The following CCSER1 variants were observed in gnomAD, a reference collection of about 807,000 sequenced individuals.
CCSER1 encodes serine-rich coiled-coil domain-containing protein 1.
In CCSER1, 41 loss-of-function variants were observed where a neutral mutation model predicts 82.0. The ratio of observed to expected loss-of-function variants is 0.50; its 90% CI spans 0.39 to 0.65. CCSER1 has a LOEUF of 0.65. CCSER1 is among the 30% of genes least tolerant of loss of function. The pLI, the probability that CCSER1 is intolerant of heterozygous loss-of-function variation, is 0.00. For synonymous variants in CCSER1, 414 were observed against 383.9 expected, an observed-to-expected ratio of 1.08 and a Z score of -0.92; for missense variants, 1,119 against 1,064.2, an observed-to-expected ratio of 1.05 and a Z score of -0.72.
intron 7 of CCSER1, among the ~76,000 whole-genome samples, chr4:90,793,094 T>G (rs914153998): frequency 6.6e-6 from 1 of 152,218 alleles, no homozygotes; most frequent in African/African-American, 2.4e-5. Context: ...TGGAGATGTG[T>G]TTGATGTCTT....
chr4:91,168,738 T>C (rs1368817043), intron 10 of CCSER1, among the ~76,000 whole-genome samples: 1 of 150,642 alleles, frequency 6.6e-6, no homozygotes. Context: ...ATGATGACGA[T>C]GGTGGTTTTG....
At chr4:91,015,795 T>A (rs1041846549) in intron 9 of CCSER1, among the ~76,000 whole-genome samples, 1 of 152,038 alleles carries the variant, frequency 6.6e-6, no homozygotes, top group Non-Finnish European at 1.5e-5. Flanking sequence ...AACATTCAAC[T>A]TCAGTGCCTG....
intron 1 of CCSER1, among the ~76,000 whole-genome samples, chr4:90,204,110 G>T (rs184464958): frequency 6.3e-4 from 96 of 152,286 alleles, no homozygotes; most frequent in Admixed American, 5.0e-3. Flanking sequence ...CAGATGGATA[G>T]ATTGCAAAAA....
rs1438619383 is a variant in CCSER1, at chr4:91,027,880, T to C, written c.2173-58070T>C. Among the ~76,000 whole-genome samples the C allele has an allele frequency of 2.0e-5, 3 of 152,210 alleles. No homozygotes were observed. In the East Asian group the frequency reaches 5.8e-4, roughly 29 times the overall value. ...TGTGCAGAGGGAGAAACAACTATAT[T>C]GTCAGAAATAGCTTGAATACATTCT... On this transcript the variant is annotated intron_variant, in intron 9 of 10. Coordinates refer to ENST00000509176, the MANE Select transcript of CCSER1 (RefSeq NM_001145065.2).
rs529787469 is a variant in CCSER1 at position 90,277,537 on chromosome 4, A to G, written c.-41-30707A>G. ...GAAATAAAGCCAAATATCTACAACC[A>G]TCTGATCTTAAACAAACTCAACAAA... On this transcript the variant is annotated intron_variant, in intron 1 of 10. Transcript: ENST00000509176. Among the ~76,000 whole-genome samples the G allele has an allele frequency of 1.1e-3, 169 of 152,292 alleles. 1 individual carries two copies. Among genetic ancestry groups the G allele is most frequent in the Admixed American group, 0.011 (168 of 15,286 alleles).
chr4:91,575,409 A>G (rs1232526811), intron 10 of CCSER1, among the ~76,000 whole-genome samples: 2 of 152,028 alleles, frequency 1.3e-5, no homozygotes, highest in Non-Finnish European at 2.9e-5. Flanking sequence ...AAAGGGAGCA[A>G]TTAAAAAATG....
chr4:91,089,481 C>T (rs1177404447), intron 10 of CCSER1, among the ~76,000 whole-genome samples: 2 of 152,146 alleles, frequency 1.3e-5, no homozygotes, highest in African/African-American at 4.8e-5. Context: ...CTCTTTCTCT[C>T]TTCTTTCATT....
chr4:90,195,216 G>A (rs1736374666), intron 1 of CCSER1, among the ~76,000 whole-genome samples: 1 of 152,064 alleles, frequency 6.6e-6, no homozygotes, highest in South Asian at 2.1e-4. Flanking sequence ...TCCTTAGTAG[G>A]TGAATGGTTA....
At chr4:90,879,692 A>G (rs1260507867) in intron 8 of CCSER1, among the ~76,000 whole-genome samples, 1 of 152,076 alleles carries the variant, frequency 6.6e-6, no homozygotes, top group Non-Finnish European at 1.5e-5. Flanking sequence ...AAGAAGAGGA[A>G]GAAGAAGAGG....
chr4:90,684,712 C>G (rs1183737528), intron 6 of CCSER1, among the ~76,000 whole-genome samples: 1 of 152,136 alleles, frequency 6.6e-6, no homozygotes, highest in Non-Finnish European at 1.5e-5. Context: ...GAATTCCCAC[C>G]TGTTGTGGGA....
chr4:90,793,468 T>C (rs1360412499), intron 7 of CCSER1, among the ~76,000 whole-genome samples: 1 of 152,074 alleles, frequency 6.6e-6, no homozygotes, highest in Non-Finnish European at 1.5e-5. Flanking sequence ...TTGAGGATAA[T>C]GGCCTCCATC....
At position 90,626,278 on chromosome 4, in the gene CCSER1, TAGC is replaced by T. The variant is rs149095438; in HGVS notation, c.1725-1744_1725-1742del. Among the ~76,000 whole-genome samples the T allele has an allele frequency of 6.1e-3, 926 of 152,248 alleles. 22 individuals are homozygous for T. Among genetic ancestry groups the T allele is most frequent in the African/African-American group, 0.02 (847 of 41,540 alleles). On this transcript the variant is annotated intron_variant, in intron 5 of 10. Coordinates refer to ENST00000509176, the MANE Select transcript of CCSER1 (RefSeq NM_001145065.2). ...CTGAGTCAGCCTAATATATGCCAAA[TAGC>T]AGGCAAGTTCACAACTTAAAAATGA...
At chr4:90,320,318 T>G (rs987803793) in intron 3 of CCSER1, among the ~76,000 whole-genome samples, 6 of 152,238 alleles carry the variant, frequency 3.9e-5, no homozygotes, top group Admixed American at 3.9e-4. Flanking sequence ...GTGGAGTGCT[T>G]ATGCACAGTT....
intron 8 of CCSER1, among the ~76,000 whole-genome samples, chr4:90,836,167 C>A (rs1761778470): frequency 6.6e-6 from 1 of 152,126 alleles, no homozygotes; most frequent in African/African-American, 2.4e-5. Context: ...ACAGGTAGGA[C>A]TTCTGTCCAT....
intron 10 of CCSER1, among the ~76,000 whole-genome samples, chr4:91,399,825 T>C (rs1752211713): frequency 6.6e-6 from 1 of 152,042 alleles, no homozygotes; most frequent in African/African-American, 2.4e-5. Flanking sequence ...AAATTTATAG[T>C]CATGCTGAAA....
At chr4:90,504,225 C>T (rs1405775617) in intron 5 of CCSER1, among the ~76,000 whole-genome samples, 1 of 152,070 alleles carries the variant, frequency 6.6e-6, no homozygotes, top group African/African-American at 2.4e-5. Context: ...TCCTAAATTT[C>T]CATGAACTTA....
At chr4:91,173,118 C>T (rs952963734) in intron 10 of CCSER1, among the ~76,000 whole-genome samples, 2 of 152,156 alleles carry the variant, frequency 1.3e-5, no homozygotes, top group African/African-American at 2.4e-5. Context: ...TCAACATATA[C>T]TTATTGACTT....
chr4:90,914,864 C>T (rs1260264672), intron 8 of CCSER1, among the ~76,000 whole-genome samples: 1 of 152,084 alleles, frequency 6.6e-6, no homozygotes, highest in Non-Finnish European at 1.5e-5. Flanking sequence ...ATACAAACTA[C>T]CATCAGAGAA....
chr4:90,321,017 G>A (rs1422472853), intron 3 of CCSER1, among the ~76,000 whole-genome samples: 2 of 151,960 alleles, frequency 1.3e-5, no homozygotes, highest in Admixed American at 1.3e-4. Context: ...TCACATCAAG[G>A]TAATTGGGTT....
Sources: allele counts gnomAD v4.1 joint callset (sites outside exome capture counted in the v4.1 genomes callset), GRCh38; gene constraint gnomAD v4.1.1; transcripts MANE v1.5; gene names NCBI Gene and HGNC (gene_info 2026-07-23, HGNC 2026-07-21).